RAB11FIP4: variants seen among roughly 807,000 people sequenced by gnomAD.
RAB11FIP4 encodes rab11 family-interacting protein 4.
In RAB11FIP4, 23 loss-of-function variants were observed where a neutral mutation model predicts 74.3. The ratio of observed to expected loss-of-function variants is 0.31; its 90% CI spans 0.22 to 0.44. The LOEUF (loss-of-function observed/expected upper bound fraction) is 0.44, where lower values mean the gene tolerates loss of function less well. Ranked by LOEUF, RAB11FIP4 falls within the 20% of genes least tolerant of loss-of-function variation. The pLI is 1.00. For missense variants in RAB11FIP4, 630 were observed against 863.9 expected, an observed-to-expected ratio of 0.73 and a Z score of 3.39; for synonymous variants, 360 against 359.9, an observed-to-expected ratio of 1.00 and a Z score of 0.00.
At chr17:31,514,083 G>A (rs1328195090) in intron 3 of RAB11FIP4, among the ~76,000 whole-genome samples, 1 of 152,258 alleles carries the variant, frequency 6.6e-6, no homozygotes, top group African/African-American at 2.4e-5. Context: ...AAGCCTGCCC[G>A]AGGAGGTGGT....
chr17:31,512,539 G>T lies in RAB11FIP4; in HGVS notation c.337-5112G>T, dbSNP rs375929440. Among the ~76,000 whole-genome samples the T allele has an allele frequency of 2.5e-4, 38 of 152,312 alleles. No homozygotes were observed. The South Asian group carries it at 6.0e-3, about 24-fold the overall frequency. On this transcript the variant is annotated intron_variant, in intron 3 of 14. Coordinates refer to ENST00000621161, the MANE Select transcript of RAB11FIP4 (RefSeq NM_032932.6). This position sits in a 1 kb window ranked among gnomAD's most constrained non-coding sequence, Gnocchi z 4.1. ...GCTGGCAGGTGGAAGAAAGCCTGGG[G>T]TGGTGTGGCCATGTACCAGCCAAGC...
chr17:31,458,261 C>T (rs544658256), intron 3 of RAB11FIP4, among the ~76,000 whole-genome samples: 1 of 152,194 alleles, frequency 6.6e-6, no homozygotes, highest in African/African-American at 2.4e-5. Context: ...TCCACCCCAT[C>T]CCTGGAGGCA....
At chr17:31,465,484 A>G (rs2071675476) in intron 3 of RAB11FIP4, 1 of 141,356 alleles carries the variant, frequency 7.1e-6, no homozygotes, top group South Asian at 2.3e-4. Flanking sequence ...CAAGAACTGC[A>G]GCCCCTCAAT....
intron 3 of RAB11FIP4, among the ~76,000 whole-genome samples, chr17:31,480,745 G>A (rs1303918692): frequency 1.5e-5 from 2 of 133,076 alleles, no homozygotes; most frequent in African/African-American, 5.8e-5. Context: ...CCGAGATCAC[G>A]CCACTGCACT....
chr17:31,453,792 CAAAAAAAAAAA>C (rs555119408), intron 3 of RAB11FIP4, among the ~76,000 whole-genome samples: 9 of 62,632 alleles, frequency 1.4e-4, no homozygotes, highest in African/African-American at 4.7e-4. Context: ...AGACTCGTCT[CAAAAAAAAAAA>C]AAAAAAAAAA....
intron 2 of RAB11FIP4, among the ~76,000 whole-genome samples, chr17:31,432,921 G>A (rs980237577): frequency 6.6e-6 from 1 of 152,100 alleles, no homozygotes; most frequent in Admixed American, 6.6e-5. Context: ...ATCTCAGGTG[G>A]ATCACTTGAG....
chr17:31,450,430 C>T (rs1270037692), intron 3 of RAB11FIP4, among the ~76,000 whole-genome samples: 3 of 151,734 alleles, frequency 2.0e-5, no homozygotes, highest in South Asian at 2.1e-4. Flanking sequence ...CTGCAACCTC[C>T]GCCTCCGGGG....
Position 31,517,796 on chromosome 17 carries a change from G to T in RAB11FIP4, c.482G>T (p.Ser161Ile), listed in dbSNP as rs561357646. ...QELYTDSPME[S>I]TQSLEGSVGS... is the part of the protein sequence containing the mutation. ...TTGTACACAGACAGCCCCATGGAGA[G>T]CACTCAGAGCCTGGAGGGGTCTGTC... Residue 161 changes from serine to isoleucine, a missense_variant, in exon 4 of 15, where the codon AGC becomes ATC. By Grantham distance (142) the Ser-to-Ile change is moderately radical. Coordinates refer to ENST00000621161, the MANE Select transcript of RAB11FIP4 (RefSeq NM_032932.6). The T allele has an allele frequency of 1.3e-6, 2 of 1,555,990 alleles. No homozygotes were observed. Among genetic ancestry groups the T allele is most frequent in the Non-Finnish European group, 1.7e-6 (2 of 1,149,188 alleles).
intron 3 of RAB11FIP4, 26 bp downstream of exon 3, chr17:31,434,148 C>T: frequency 6.5e-7 from 1 of 1,529,148 alleles, no homozygotes. Flanking sequence ...CCTCAAGGAC[C>T]TCCATGGCTC....
chr17:31,406,294 A>G (rs1283145599), intron 1 of RAB11FIP4, among the ~76,000 whole-genome samples: 1 of 152,242 alleles, frequency 6.6e-6, no homozygotes, highest in African/African-American at 2.4e-5. Context: ...CTCAGCTGCC[A>G]GCCAGAGGAG....
At chr17:31,425,041 A>G (rs2071234609) in intron 1 of RAB11FIP4, among the ~76,000 whole-genome samples, 1 of 152,228 alleles carries the variant, frequency 6.6e-6, no homozygotes, top group South Asian at 2.1e-4. Context: ...TTTAGCAGAA[A>G]TAATAATTAC....
intron 3 of RAB11FIP4, chr17:31,501,712 TAG>T (rs2072224739): frequency 6.2e-6 from 1 of 161,146 alleles, no homozygotes; most frequent in Non-Finnish European, 1.4e-5. Context: ...GTATTTTTAG[TAG>T]AGATGGGGTT....
chr17:31,528,968 C>T (rs1382865965), intron 13 of RAB11FIP4, among the ~76,000 whole-genome samples, 190 bp downstream of exon 13: 1 of 152,234 alleles, frequency 6.6e-6, no homozygotes, highest in African/African-American at 2.4e-5. Flanking sequence ...AGATCTCTCC[C>T]TTACGTCTAT....
chr17:31,424,497 C>A (rs554334691), intron 1 of RAB11FIP4, among the ~76,000 whole-genome samples: 7 of 152,088 alleles, frequency 4.6e-5, no homozygotes, highest in Non-Finnish European at 1.5e-5. Flanking sequence ...CAACCTCCCG[C>A]CTCCTGGGTT....
intron 3 of RAB11FIP4, among the ~76,000 whole-genome samples, chr17:31,474,646 G>A (rs538403182): frequency 8.1e-5 from 12 of 148,660 alleles, no homozygotes; most frequent in Non-Finnish European, 1.6e-4. Flanking sequence ...TCCAGCCTGG[G>A]GGACAGAGCT....
rs141356548 is a variant in RAB11FIP4, at chr17:31,395,518, G to A, written c.159+3507G>A. Among the ~76,000 whole-genome samples the A allele has an allele frequency of 1.4e-3, 206 of 152,304 alleles. 1 individual carries two copies. The highest frequency in any genetic ancestry group is 4.6e-3 in the African/African-American group (191 of 41,558). On this transcript the variant is annotated intron_variant, in intron 1 of 14. Coordinates refer to ENST00000621161, the MANE Select transcript of RAB11FIP4 (RefSeq NM_032932.6). ...GCATACACCCTTGGTGTGATGTGGT[G>A]AGAATAGAACTTTTCCTCTGTGGTC...
rs960241513 is a variant in RAB11FIP4 at position 31,536,067 on chromosome 17, G to A, written c.*4335G>A. 6.6e-6 allele frequency: 1 copy of A among 152,066 alleles called. No individual in the cohort carries two copies. Among genetic ancestry groups the A allele is most frequent in the Non-Finnish European group, 1.5e-5 (1 of 68,052 alleles). 9.4% of individuals were successfully genotyped at this position (152,066 alleles called of 1,614,324 possible). A position where few individuals can be genotyped will look rare whatever the true frequency, so the allele number is the denominator to read the frequency against. On this transcript the variant is annotated 3_prime_UTR_variant, in exon 15 of 15. Transcript: ENST00000621161. ...GGGGGGGGCGCGGGGACAGAAGCGCGGGTTCTTGGTTCCAATGAGGGACTT... is the reference window on the plus strand; with the variant it reads ...GGGGGGGGCGCGGGGACAGAAGCGCAGGTTCTTGGTTCCAATGAGGGACTT...
At position 31,396,011 on chromosome 17, in the gene RAB11FIP4, C is replaced by G. The variant is rs1327668108; in HGVS notation, c.159+4000C>G. 2.6e-5 allele frequency among the ~76,000 whole-genome samples: 4 copies of G among 151,758 alleles called. No homozygotes were observed. The East Asian group carries it at 7.7e-4, about 29-fold the overall frequency. On this transcript the variant is annotated intron_variant, in intron 1 of 14. Transcript: ENST00000621161. The stretch of plus-strand genomic sequence containing the variant: ...AGCCTGGGTAACATGGTGAGACCCC[C>G]CATCTCTACAAAAAATACAAAAATT...
At chr17:31,429,457 G>C (rs1567652643) in intron 1 of RAB11FIP4, among the ~76,000 whole-genome samples, 1 of 152,188 alleles carries the variant, frequency 6.6e-6, no homozygotes, top group Non-Finnish European at 1.5e-5. Context: ...CAGTCAGAAA[G>C]GCTTTGCAAT....
Sources: allele counts gnomAD v4.1 joint callset (sites outside exome capture counted in the v4.1 genomes callset), GRCh38; gene constraint gnomAD v4.1.1; non-coding constraint Gnocchi (gnomAD v3.1); transcripts MANE v1.5; gene names NCBI Gene and HGNC (gene_info 2026-07-23, HGNC 2026-07-21).